Variants in MED26 observed in about 807,000 individuals in gnomAD.
The protein encoded by MED26 is mediator of RNA polymerase II transcription subunit 26.
In MED26, 7 loss-of-function variants were observed where a neutral mutation model predicts 43.7. The observed-to-expected ratio is 0.16, with a 90% confidence interval of 0.09 to 0.30. MED26 has a LOEUF of 0.30. Among genes scored for constraint, MED26 ranks in the 10% least tolerant of loss-of-function variants. MED26 has a pLI of 1.00. For synonymous variants in MED26, 375 were observed against 371.1 expected (o/e 1.01, Z -0.12); for missense variants, 784 against 840.6 (o/e 0.93, Z 0.83).
At chr19:16,615,000 A>C (rs951307635) in intron 1 of MED26, among the ~76,000 whole-genome samples, 1 of 152,126 alleles carries the variant, frequency 6.6e-6, no homozygotes, top group Non-Finnish European at 1.5e-5. Context: ...TCCATTTGTA[A>C]ACTGGTCACT....
chr19:16,608,637 C>T (rs2086184937), intron 1 of MED26, among the ~76,000 whole-genome samples: 1 of 152,198 alleles, frequency 6.6e-6, no homozygotes, highest in Admixed American at 6.5e-5. Flanking sequence ...ATTTTACATG[C>T]TGTTTATTGA....
intron 1 of MED26, among the ~76,000 whole-genome samples, chr19:16,590,624 G>C (rs934359525): frequency 1.2e-4 from 19 of 152,158 alleles, no homozygotes; most frequent in Admixed American, 1.2e-3. Context: ...TTTAATTTCA[G>C]CTCCCTTTCT....
chr19:16,615,092 G>C (rs922468444), intron 1 of MED26, among the ~76,000 whole-genome samples: 1 of 151,968 alleles, frequency 6.6e-6, no homozygotes, highest in Non-Finnish European at 1.5e-5. Context: ...ATGGGGGTGG[G>C]GGAAATGACA....
chr19:16,619,472 C>T (rs2086241743), intron 1 of MED26, among the ~76,000 whole-genome samples: 1 of 152,176 alleles, frequency 6.6e-6, no homozygotes, highest in African/African-American at 2.4e-5. Context: ...GAACGGGGGA[C>T]ATCAAAACAA....
At chr19:16,581,575 G>A (rs1478910294) in intron 1 of MED26, among the ~76,000 whole-genome samples, 1 of 152,252 alleles carries the variant, frequency 6.6e-6, no homozygotes, top group Non-Finnish European at 1.5e-5. Context: ...GGCACAAAGT[G>A]TCCTTGTCCT....
intron 1 of MED26, among the ~76,000 whole-genome samples, chr19:16,590,542 T>C (rs1356212776): frequency 2.0e-5 from 3 of 152,238 alleles, no homozygotes; most frequent in African/African-American, 4.8e-5. Context: ...GGGATGATTA[T>C]AAGGCTTTTC....
At chr19:16,620,274 A>G (rs561185328) in intron 1 of MED26, among the ~76,000 whole-genome samples, 1 of 152,304 alleles carries the variant, frequency 6.6e-6, no homozygotes, top group East Asian at 1.9e-4. Flanking sequence ...GGAGGCAGCC[A>G]GCAGGTGGCT....
chr19:16,627,999 G>C lies in MED26; in HGVS notation c.-56C>G, dbSNP rs1287398818. 35 of 1,159,664 alleles carry C rather than the reference G, an allele frequency of 3.0e-5. No individual in the cohort carries two copies. Among genetic ancestry groups the C allele is most frequent in the Non-Finnish European group, 3.9e-5 (34 of 866,848 alleles). The allele number at this position is 1,159,664 out of a possible 1,614,324, so 71.8% of individuals were successfully genotyped here. The stretch of plus-strand genomic sequence containing the variant: ...GCCAGCGGGCGGGCGGGCTGAGGCG[G>C]GGGACGGGGGTCACTCACTCGCCGG... On this transcript the variant is annotated 5_prime_UTR_variant, in exon 1 of 3. Coordinates refer to ENST00000263390, the MANE Select transcript of MED26 (RefSeq NM_004831.5).
intron 1 of MED26, among the ~76,000 whole-genome samples, chr19:16,580,000 T>A (rs2086036589): frequency 6.6e-6 from 1 of 152,194 alleles, no homozygotes; most frequent in Non-Finnish European, 1.5e-5. Context: ...CCGACTTGAA[T>A]GCTGTGGGAC....
intron 1 of MED26, among the ~76,000 whole-genome samples, chr19:16,601,159 CTT>C (rs142958881): frequency 6.3e-5 from 9 of 142,970 alleles, no homozygotes; most frequent in Admixed American, 1.4e-4. Context: ...CAAACACTGA[CTT>C]TTTTTTTTTT....
intron 1 of MED26, chr19:16,612,303 G>C (rs561186229): frequency 6.6e-6 from 1 of 152,012 alleles, no homozygotes; most frequent in Admixed American, 6.6e-5. Flanking sequence ...TTTTTTTCTT[G>C]AGACAGGGTC....
In MED26 at chr19:16,624,542, T is replaced by C. The variant is rs533932704; in HGVS notation, c.72+3330A>G. The C allele has an allele frequency of 2.0e-5, 3 of 152,392 alleles. 1 individual carries two copies. Among genetic ancestry groups the C allele is most frequent in the South Asian group, 4.1e-4 (2 of 4,834 alleles). 9.4% of individuals were successfully genotyped at this position (152,392 alleles called of 1,614,324 possible). On this transcript the variant is annotated intron_variant, in intron 1 of 2. Coordinates refer to ENST00000263390, the MANE Select transcript of MED26 (RefSeq NM_004831.5). ...CACCTGCAGCTAGCAAGCCCTGCCCTGTGCGGTTATTTTACTTGCCATGAG... is the reference window on the plus strand; with the variant it reads ...CACCTGCAGCTAGCAAGCCCTGCCCCGTGCGGTTATTTTACTTGCCATGAG...
intron 1 of MED26, among the ~76,000 whole-genome samples, chr19:16,590,713 C>T (rs1044300381): frequency 2.6e-5 from 4 of 152,116 alleles, no homozygotes; most frequent in Admixed American, 1.3e-4. Context: ...TTCTGCTATG[C>T]GCAGTTTATT....
intron 1 of MED26, chr19:16,589,167 A>C (rs1057429535): frequency 6.6e-6 from 1 of 152,252 alleles, no homozygotes; most frequent in East Asian, 1.9e-4. Flanking sequence ...AGGAGTGGGC[A>C]CAGGGGCCTT....
intron 1 of MED26, among the ~76,000 whole-genome samples, chr19:16,585,136 T>C (rs565162544): frequency 1.2e-4 from 18 of 152,228 alleles, no homozygotes; most frequent in Admixed American, 1.1e-3. Context: ...CCTACTCTGG[T>C]ACTGGGCTGC....
chr19:16,615,132 G>T (rs924285117), intron 1 of MED26, among the ~76,000 whole-genome samples: 8 of 152,212 alleles, frequency 5.3e-5, no homozygotes, highest in African/African-American at 1.9e-4. Context: ...AGGAAGCACT[G>T]CGGGAAAGAT....
rs2086074172 is a variant in MED26, at chr19:16,587,028, T to C, written c.73-8619A>G. Reference sequence around the variant, plus strand: ...CAAGCTGTCCTTCCAAACCCAAACATGCCACAGATGGCACCCAGAAACAGA... The same window carrying C: ...CAAGCTGTCCTTCCAAACCCAAACACGCCACAGATGGCACCCAGAAACAGA... On this transcript the variant is annotated intron_variant, in intron 1 of 2. Coordinates refer to ENST00000263390, the MANE Select transcript of MED26 (RefSeq NM_004831.5). The surrounding 1 kb of genome is among the most constrained non-coding windows in gnomAD (Gnocchi z 4.9). 1 of 151,726 alleles carries C rather than the reference T, an allele frequency of 6.6e-6. No individual in the cohort carries two copies. The highest frequency in any genetic ancestry group is 2.1e-4 in the South Asian group (1 of 4,804). The allele number at this position is 151,726 out of a possible 1,614,324, so 9.4% of individuals were successfully genotyped here. A position where few individuals can be genotyped will look rare whatever the true frequency, so the allele number is the denominator to read the frequency against.
At chr19:16,607,194 T>C (rs889747746) in intron 1 of MED26, among the ~76,000 whole-genome samples, 1 of 149,638 alleles carries the variant, frequency 6.7e-6, no homozygotes, top group East Asian at 1.9e-4. Flanking sequence ...AAATAGATAA[T>C]AAAAATAAAA....
At position 16,575,025 on chromosome 19, in the gene MED26, G is replaced by C. The variant is rs1029083192; in HGVS notation, c.*1002C>G. ...TGCGTCCTGAGAACACAGAAGTCTA[G>C]GTACTGTACATTCACTAAGGCTCCT... On this transcript the variant is annotated 3_prime_UTR_variant, in exon 3 of 3. Transcript: ENST00000263390. 1 of 152,416 alleles carries C rather than the reference G, an allele frequency of 6.6e-6. No homozygotes were observed. Among genetic ancestry groups the C allele is most frequent in the African/African-American group, 2.4e-5 (1 of 41,374 alleles). 9.4% of individuals were successfully genotyped at this position (152,416 alleles called of 1,614,324 possible).
Sources: allele counts gnomAD v4.1 joint callset (sites outside exome capture counted in the v4.1 genomes callset), GRCh38; gene constraint gnomAD v4.1.1; non-coding constraint Gnocchi (gnomAD v3.1); transcripts MANE v1.5; gene names NCBI Gene and HGNC (gene_info 2026-07-23, HGNC 2026-07-21).